PTPRD: variants seen among roughly 807,000 people sequenced by gnomAD.
PTPRD encodes the protein protein tyrosine phosphatase receptor type D, also known as receptor-type tyrosine-protein phosphatase delta.
Under a neutral mutation model 214.5 loss-of-function variants are expected in PTPRD, and 34 were observed. The observed-to-expected ratio is 0.16, with a 90% CI of 0.12 to 0.21. PTPRD has a LOEUF of 0.21. Among genes scored for constraint, PTPRD ranks in the 10% least tolerant of loss-of-function variants. PTPRD has a pLI of 1.00. For synonymous variants in PTPRD, 1,128 were observed against 845.7 expected (o/e 1.33, Z -5.79); for missense variants, 2,545 against 2,398.7 (o/e 1.06, Z -1.27).
intron 14 of PTPRD, among the ~76,000 whole-genome samples, chr9:8,579,488 G>C (rs749252587): frequency 6.6e-6 from 1 of 152,128 alleles, no homozygotes. Flanking sequence ...TGTTCACACT[G>C]ACATTTATTG....
chr9:9,429,559 G>A (rs1045151018), intron 8 of PTPRD, among the ~76,000 whole-genome samples: 2 of 152,162 alleles, frequency 1.3e-5, no homozygotes, highest in East Asian at 3.9e-4. Flanking sequence ...TATGAGGCCA[G>A]CATCATCCTG....
intron 3 of PTPRD, among the ~76,000 whole-genome samples, chr9:10,339,175 A>C (rs2096895740): frequency 6.6e-6 from 1 of 151,764 alleles, no homozygotes; most frequent in Non-Finnish European, 1.5e-5. Flanking sequence ...ATTAGGAGAG[A>C]AGTTGATATT....
chr9:9,474,053 G>T (rs2094831660), intron 8 of PTPRD, among the ~76,000 whole-genome samples: 1 of 151,950 alleles, frequency 6.6e-6, no homozygotes, highest in South Asian at 2.1e-4. Flanking sequence ...GTCCTGAAGT[G>T]TTTCCCCTAT....
chr9:10,029,655 T>A (rs566988630), intron 4 of PTPRD, among the ~76,000 whole-genome samples: 6 of 152,290 alleles, frequency 3.9e-5, no homozygotes, highest in African/African-American at 1.4e-4. Context: ...AGTGCCTGTA[T>A]CCCTATTGTA....
intron 3 of PTPRD, among the ~76,000 whole-genome samples, chr9:10,264,686 G>A (rs550167840): frequency 1.5e-4 from 23 of 152,164 alleles, no homozygotes; most frequent in East Asian, 5.8e-4. Context: ...AGTTAATGCC[G>A]AAATTAGTTA....
intron 3 of PTPRD, among the ~76,000 whole-genome samples, chr9:10,110,562 G>A (rs1192877904): frequency 6.6e-6 from 1 of 152,160 alleles, no homozygotes; most frequent in Non-Finnish European, 1.5e-5. Flanking sequence ...ACAAAAACAT[G>A]AGAAAGTTTG....
chr9:10,496,904 ACTGT>A (rs1322969110), intron 2 of PTPRD, among the ~76,000 whole-genome samples: 3 of 151,892 alleles, frequency 2.0e-5, no homozygotes, highest in Non-Finnish European at 4.4e-5. Context: ...CATTCTGTAG[ACTGT>A]CTGTTTACTT....
intron 8 of PTPRD, among the ~76,000 whole-genome samples, chr9:9,474,000 C>T (rs1056938990): frequency 1.3e-5 from 2 of 151,716 alleles, no homozygotes; most frequent in African/African-American, 4.8e-5. Flanking sequence ...GTTTTCTTTG[C>T]CTGTGATTTT....
At chr9:8,503,179 G>A (rs972208229) in intron 23 of PTPRD, among the ~76,000 whole-genome samples, 6 of 151,920 alleles carry the variant, frequency 3.9e-5, no homozygotes, top group African/African-American at 1.4e-4. Context: ...AAAAAACCCT[G>A]AAAGTTTTCA....
At chr9:9,564,837 C>A (rs1279312492) in intron 8 of PTPRD, among the ~76,000 whole-genome samples, 2 of 139,088 alleles carry the variant, frequency 1.4e-5, no homozygotes, top group South Asian at 4.6e-4. Flanking sequence ...ATTTCTTGTT[C>A]TGCCTCCAGA....
chr9:9,975,563 C>T (rs1269780125), intron 4 of PTPRD, among the ~76,000 whole-genome samples: 6 of 152,172 alleles, frequency 3.9e-5, no homozygotes, highest in South Asian at 4.1e-4. Flanking sequence ...CCAAAGACTT[C>T]GTGAAACAGA....
intron 9 of PTPRD, among the ~76,000 whole-genome samples, chr9:9,324,724 T>G (rs7470911): frequency 0.74 from 112,442 of 151,796 alleles, 41,911 homozygotes; most frequent in East Asian, 0.93. Flanking sequence ...TTTTGGCTTT[T>G]GTTGCCATTG....
chr9:9,970,849 A>G (rs2095057975), intron 4 of PTPRD, among the ~76,000 whole-genome samples: 1 of 152,200 alleles, frequency 6.6e-6, no homozygotes, highest in African/African-American at 2.4e-5. Flanking sequence ...GGAATGTCAC[A>G]CTGGAACATG....
intron 2 of PTPRD, among the ~76,000 whole-genome samples, chr9:10,598,472 G>A (rs1320849768): frequency 6.6e-6 from 1 of 151,674 alleles, no homozygotes; most frequent in Non-Finnish European, 1.5e-5. Context: ...ATATGTTTAG[G>A]TTATTCTGTG....
chr9:8,900,309 C>T (rs1277471635), intron 11 of PTPRD, among the ~76,000 whole-genome samples: 1 of 152,018 alleles, frequency 6.6e-6, no homozygotes, highest in African/African-American at 2.4e-5. Flanking sequence ...TATTTGTGCA[C>T]AGGAATGAAG....
At chr9:8,498,941 T>G (rs190370063) in intron 25 of PTPRD, among the ~76,000 whole-genome samples, 19 of 152,300 alleles carry the variant, frequency 1.2e-4, no homozygotes, top group Non-Finnish European at 4.4e-5. Flanking sequence ...CAACTAATTA[T>G]AAAACCGGGT....
chr9:10,571,483 G>A (rs2067418374), intron 2 of PTPRD, among the ~76,000 whole-genome samples: 2 of 152,058 alleles, frequency 1.3e-5, no homozygotes, highest in Non-Finnish European at 1.5e-5. Context: ...ACTAGCTTTC[G>A]GAATGAGACA....
chr9:9,692,778 T>C (rs1217673021), intron 7 of PTPRD, among the ~76,000 whole-genome samples: 1 of 151,660 alleles, frequency 6.6e-6, no homozygotes, highest in African/African-American at 2.4e-5. Flanking sequence ...ATTGTTTCCA[T>C]TTTTTTTAGT....
chr9:9,086,503 T>C (rs2099767238), intron 10 of PTPRD, among the ~76,000 whole-genome samples: 1 of 152,174 alleles, frequency 6.6e-6, no homozygotes, highest in African/African-American at 2.4e-5. Flanking sequence ...TGGATTATTA[T>C]CACCTTTATA....
Sources: gnomAD v4.1 joint callset for allele counts (sites outside exome capture counted in the v4.1 genomes callset) on GRCh38, gnomAD v4.1.1 for gene constraint, MANE v1.5 for transcripts, NCBI Gene and HGNC (gene_info 2026-07-23, HGNC 2026-07-21) for gene names.